Variants in SEPTIN6 observed in about 807,000 individuals in gnomAD.
SEPTIN6 encodes the protein septin 6, also known as septin-6.
Under a neutral mutation model 33.6 loss-of-function variants are expected in SEPTIN6, and 8 were observed. The observed-to-expected ratio is 0.24, with a 90% confidence interval of 0.14 to 0.43. SEPTIN6 has a LOEUF of 0.43. Ranked by LOEUF, SEPTIN6 falls within the 20% of genes least tolerant of loss-of-function variation. SEPTIN6 has a pLI of 1.00. For missense variants in SEPTIN6, 250 were observed against 340.8 expected, an observed-to-expected ratio of 0.73 and a Z score of 2.10; for synonymous variants, 131 against 140.0, an observed-to-expected ratio of 0.94 and a Z score of 0.45.
chrX:119,650,465 A>C (rs191080862), intron 4 of SEPTIN6, among the ~76,000 whole-genome samples: 46 of 112,089 alleles, frequency 4.1e-4, no homozygotes, highest in Non-Finnish European at 8.6e-4. Flanking sequence ...TCCTAAGTCC[A>C]TAGTCTTAAG....
intron 10 of SEPTIN6, among the ~76,000 whole-genome samples, chrX:119,622,048 AACAAC>A (rs2053776688): frequency 1.3e-5 from 1 of 75,307 alleles, no homozygotes; most frequent in African/African-American, 3.5e-5. Flanking sequence ...ACAAAACAAC[AACAAC>A]AAAAAAAAAC....
chrX:119,657,195 G>C (rs753928103), intron 3 of SEPTIN6, among the ~76,000 whole-genome samples: 18 of 106,557 alleles, frequency 1.7e-4, no homozygotes, highest in African/African-American at 6.2e-4. Context: ...CTCCAGCCTG[G>C]GCAACGGAGT....
At chrX:119,621,496 T>TGTGTGTG (rs1234941843) in intron 10 of SEPTIN6, among the ~76,000 whole-genome samples, 4 of 102,731 alleles carry the variant, frequency 3.9e-5, no homozygotes, top group Admixed American at 1.1e-4. Context: ...TGTGTGTGTA[T>TGTGTGTG]TTTTATTTCT....
chrX:119,664,284 G>C (rs1338861908), intron 2 of SEPTIN6, among the ~76,000 whole-genome samples: 3 of 111,423 alleles, frequency 2.7e-5, no homozygotes, highest in Admixed American at 9.6e-5. Flanking sequence ...ACCTGGCCAA[G>C]TATACGTTGC....
At chrX:119,634,964 G>A (rs1197181402) in intron 7 of SEPTIN6, among the ~76,000 whole-genome samples, 1 of 101,602 alleles carries the variant, frequency 9.8e-6, no homozygotes, top group Non-Finnish European at 2.0e-5. Flanking sequence ...AGCCGAGATT[G>A]TGCCATTGTA....
Position 119,619,292 on chromosome X carries a change from C to T in SEPTIN6, c.*801G>A, listed in dbSNP as rs2053711008. 50 of 812,387 alleles carry T rather than the reference C, an allele frequency of 6.2e-5. No individual in the cohort carries two copies. Among genetic ancestry groups the T allele is most frequent in the Non-Finnish European group, 6.9e-5 (47 of 676,618 alleles). 66.9% of individuals were successfully genotyped at this position (812,387 alleles called of 1,213,427 possible). On this transcript the variant is annotated 3_prime_UTR_variant, in exon 11 of 11. Coordinates refer to ENST00000394610, the MANE Select transcript of SEPTIN6 (RefSeq NM_145799.4). ...GCTGAAATACCTCACAAGAAGAATT[C>T]GGTAAGGCTATCATTCAAGACTCTA...
chrX:119,684,706 G>GT (rs1451967533), intron 1 of SEPTIN6, among the ~76,000 whole-genome samples: 1 of 110,250 alleles, frequency 9.1e-6, no homozygotes, highest in Non-Finnish European at 1.9e-5. Context: ...GGCCAGGCTG[G>GT]TCTCGAACTC....
At chrX:119,660,332 A>C (rs1344545358) in intron 3 of SEPTIN6, among the ~76,000 whole-genome samples, 1 of 112,777 alleles carries the variant, frequency 8.9e-6, no homozygotes, top group Non-Finnish European at 1.9e-5. Flanking sequence ...AACAGCATGA[A>C]GAAAACACTG....
intron 3 of SEPTIN6, among the ~76,000 whole-genome samples, chrX:119,654,521 G>A (rs2054405590): frequency 1.8e-5 from 2 of 111,235 alleles, no homozygotes; most frequent in South Asian, 7.5e-4. Context: ...AGGAGGAGCT[G>A]AGCCCAGCCA....
intron 5 of SEPTIN6, among the ~76,000 whole-genome samples, chrX:119,645,832 G>A (rs1252083134): frequency 8.9e-6 from 1 of 111,830 alleles, no homozygotes; most frequent in Non-Finnish European, 1.9e-5. Context: ...ACCCAGCCCC[G>A]ACCTCTTAAT....
chrX:119,657,874 C>G (rs1473711939), intron 3 of SEPTIN6, among the ~76,000 whole-genome samples: 1 of 111,803 alleles, frequency 8.9e-6, no homozygotes, highest in African/African-American at 3.3e-5. Context: ...GCCTGTAATC[C>G]CAGCACTTTG....
At chrX:119,673,413 G>C (rs982070166) in intron 2 of SEPTIN6, among the ~76,000 whole-genome samples, 1 of 110,998 alleles carries the variant, frequency 9.0e-6, no homozygotes. Context: ...GCTAGGGAGT[G>C]AGCCTAGCTT....
intron 2 of SEPTIN6, among the ~76,000 whole-genome samples, chrX:119,665,003 A>G (rs1438010001): frequency 2.7e-5 from 3 of 109,517 alleles, no homozygotes; most frequent in Admixed American, 9.7e-5. Context: ...TTATCCTCCC[A>G]GCCTGGTTGA....
At chrX:119,637,296 C>T in intron 6 of SEPTIN6, 101 bp from the exon 7 acceptor site, 1 of 739,729 alleles carries the variant, frequency 1.4e-6, no homozygotes, top group Non-Finnish European at 2.0e-6. Flanking sequence ...AGTGACGTTG[C>T]CTTGCAATCT....
At position 119,617,743 on chromosome X, in the gene SEPTIN6, A is replaced by T. The variant is rs1026930702; in HGVS notation, c.*2350T>A. 2 of 771,328 alleles carry T rather than the reference A, an allele frequency of 2.6e-6. No homozygotes were observed. The highest frequency in any genetic ancestry group is 4.4e-5 in the African/African-American group (2 of 44,976). 63.6% of individuals were successfully genotyped at this position (771,328 alleles called of 1,213,427 possible). ...GCTTCTGCCTCGAAACAGAAGTGGGACCTCGGTCAAGTCCCTTCCCTTCTC... is the reference window on the plus strand; with the variant it reads ...GCTTCTGCCTCGAAACAGAAGTGGGTCCTCGGTCAAGTCCCTTCCCTTCTC... On this transcript the variant is annotated 3_prime_UTR_variant, in exon 11 of 11. Coordinates refer to ENST00000394610, the MANE Select transcript of SEPTIN6 (RefSeq NM_145799.4).
At chrX:119,654,727 T>C (rs2054410457) in intron 3 of SEPTIN6, among the ~76,000 whole-genome samples, 1 of 111,810 alleles carries the variant, frequency 8.9e-6, no homozygotes, top group Admixed American at 9.5e-5. Context: ...AGTTTCGCTC[T>C]GTTGCCCGGG....
chrX:119,679,802 G>A (rs993258671), intron 1 of SEPTIN6, among the ~76,000 whole-genome samples: 5 of 111,883 alleles, frequency 4.5e-5, no homozygotes, highest in Non-Finnish European at 9.4e-5. Flanking sequence ...GGAGTTTGCA[G>A]TGAGCCGAGA....
intron 3 of SEPTIN6, among the ~76,000 whole-genome samples, chrX:119,661,804 T>C (rs2054551403): frequency 8.9e-6 from 1 of 111,763 alleles, no homozygotes; most frequent in Non-Finnish European, 1.9e-5. Flanking sequence ...AGTGGCGCAA[T>C]CTCAGCTCAC....
chrX:119,628,411 T>C (rs775298337), intron 9 of SEPTIN6, among the ~76,000 whole-genome samples: 3 of 111,237 alleles, frequency 2.7e-5, no homozygotes, highest in African/African-American at 9.8e-5. Context: ...CCTGAGTAGC[T>C]GGGATTATAA....
Sources: gnomAD v4.1 joint callset for allele counts (sites outside exome capture counted in the v4.1 genomes callset) on GRCh38, gnomAD v4.1.1 for gene constraint, MANE v1.5 for transcripts, NCBI Gene and HGNC (gene_info 2026-07-23, HGNC 2026-07-21) for gene names.